Variants in SPECC1L observed in about 807,000 individuals in gnomAD.
The protein encoded by SPECC1L is cytospin-A.
SPECC1L carries 40 observed loss-of-function variants against 116.8 expected under a neutral mutation model. That is an observed-to-expected ratio of 0.34 (90% CI 0.27 to 0.45). The LOEUF (loss-of-function observed/expected upper bound fraction) is 0.45, where lower values mean the gene tolerates loss of function less well. SPECC1L is among the 20% of genes least tolerant of loss of function. The probability of loss-of-function intolerance (pLI) is 1.00; values close to 1 mark genes in which losing one functional copy is unlikely to be tolerated. For missense variants in SPECC1L, 1,110 were observed against 1,373.6 expected (o/e 0.81, Z 3.03); for synonymous variants, 504 against 500.6 (o/e 1.01, Z -0.09).
chr22:24,330,774 T>C (rs551683532), intron 8 of SPECC1L, among the ~76,000 whole-genome samples: 29 of 152,192 alleles, frequency 1.9e-4, no homozygotes, highest in Non-Finnish European at 2.8e-4. Context: ...GAGACAGATA[T>C]TCTTGGCTCG....
Position 24,313,383 on chromosome 22 carries a change from A to AGAAAAGCACCTGCCC in SPECC1L, c.225_239dup (p.Lys76_Pro80dup), listed in dbSNP as rs1324753433. On this transcript the variant is annotated inframe_insertion, in exon 4 of 17. Coordinates refer to ENST00000314328, the MANE Select transcript of SPECC1L (RefSeq NM_015330.6). Reference sequence around the variant, plus strand: ...ACGGTGACTAATGGTGTTAAAGGAAAGAAAAGCACCTGCCCATCTGCAGCA... The same window carrying AGAAAAGCACCTGCCC: ...ACGGTGACTAATGGTGTTAAAGGAAAGAAAAGCACCTGCCCGAAAAGCACCTGCCCATCTGCAGCA... 1 of 1,614,116 alleles carries AGAAAAGCACCTGCCC rather than the reference A, an allele frequency of 6.2e-7. No homozygotes were observed. The highest frequency in any genetic ancestry group is 8.5e-7 in the Non-Finnish European group (1 of 1,180,056).
At chr22:24,320,261 C>T (rs2040694170) in intron 4 of SPECC1L, among the ~76,000 whole-genome samples, 1 of 151,970 alleles carries the variant, frequency 6.6e-6, no homozygotes, top group South Asian at 2.1e-4. Context: ...GGGTGATGGT[C>T]AAGAGAGACT....
At chr22:24,312,376 T>C (rs2040479219) in intron 3 of SPECC1L, among the ~76,000 whole-genome samples, 1 of 152,238 alleles carries the variant, frequency 6.6e-6, no homozygotes, top group Non-Finnish European at 1.5e-5. Flanking sequence ...GAAGAGACTT[T>C]AGAGATTAGT....
chr22:24,313,913 A>G (rs5996689), intron 4 of SPECC1L, among the ~76,000 whole-genome samples: 187 of 150,626 alleles, frequency 1.2e-3, no homozygotes, highest in African/African-American at 4.1e-3. Flanking sequence ...TAATTTTTGT[A>G]TTTTTAGTAG....
chr22:24,388,108 T>G (rs1208285584), intron 14 of SPECC1L, among the ~76,000 whole-genome samples: 1 of 152,044 alleles, frequency 6.6e-6, no homozygotes, highest in Non-Finnish European at 1.5e-5. Flanking sequence ...ATACTTTAAG[T>G]TTTAGGGTAC....
chr22:24,336,723 C>T (rs1413372469), intron 9 of SPECC1L, among the ~76,000 whole-genome samples: 2 of 151,968 alleles, frequency 1.3e-5, no homozygotes, highest in African/African-American at 4.8e-5. Context: ...TTTTAAAAGC[C>T]TCATGTTATT....
intron 14 of SPECC1L, among the ~76,000 whole-genome samples, chr22:24,408,669 T>C (rs929763063): frequency 1.3e-5 from 2 of 152,230 alleles, no homozygotes; most frequent in Non-Finnish European, 2.9e-5. Flanking sequence ...ACAATATCTC[T>C]GGGTCATATC....
intron 2 of SPECC1L, among the ~76,000 whole-genome samples, chr22:24,294,040 A>C (rs2049208604): frequency 7.0e-5 from 2 of 28,524 alleles, no homozygotes; most frequent in African/African-American, 3.1e-4. Flanking sequence ...GTCCTGTGTC[A>C]CATGAAGCCC....
At chr22:24,332,500 G>A (rs150505718) in intron 8 of SPECC1L, among the ~76,000 whole-genome samples, 195 of 152,286 alleles carry the variant, frequency 1.3e-3, no homozygotes, top group African/African-American at 4.5e-3. Context: ...TTGCATTTTA[G>A]TGCAGTTATC....
chr22:24,359,437 C>A (rs954592410), intron 11 of SPECC1L, among the ~76,000 whole-genome samples: 1 of 152,174 alleles, frequency 6.6e-6, no homozygotes, highest in African/African-American at 2.4e-5. Flanking sequence ...CACGTCTCTT[C>A]CTTCCATAAT....
At chr22:24,349,370 G>T (rs1225237904) in intron 11 of SPECC1L, among the ~76,000 whole-genome samples, 2 of 152,100 alleles carry the variant, frequency 1.3e-5, no homozygotes, top group African/African-American at 4.8e-5. Flanking sequence ...TGACCTGTAC[G>T]TGGAGGTGTG....
intron 16 of SPECC1L, among the ~76,000 whole-genome samples, chr22:24,413,421 G>A (rs890922975): frequency 6.6e-6 from 1 of 152,192 alleles, no homozygotes; most frequent in African/African-American, 2.4e-5. Flanking sequence ...TTCAGAAAGG[G>A]CGGAGAGCCC....
In SPECC1L at chr22:24,417,023, A is replaced by G. The variant is rs1047569500; in HGVS notation, c.*2400A>G. 10 of 152,372 alleles carry G rather than the reference A, an allele frequency of 6.6e-5. No homozygotes were observed. Among genetic ancestry groups the G allele is most frequent in the African/African-American group, 2.2e-4 (9 of 41,436 alleles). 9.4% of individuals were successfully genotyped at this position (152,372 alleles called of 1,614,324 possible). On this transcript the variant is annotated 3_prime_UTR_variant, in exon 17 of 17. Transcript: ENST00000314328. ...CTGTGGGCTTTAGGAATGACTATAG[A>G]TGCTCACACGTGTTTAAAGTGACAT...
intron 4 of SPECC1L, among the ~76,000 whole-genome samples, chr22:24,319,651 C>T (rs1265853445): frequency 3.9e-5 from 6 of 152,200 alleles, no homozygotes; most frequent in Admixed American, 1.3e-4. Context: ...CAGCAGCTTC[C>T]GTTAACTGTG....
intron 3 of SPECC1L, 111 bp downstream of exon 3, chr22:24,302,495 G>C (rs1029201742): frequency 2.1e-6 from 3 of 1,403,502 alleles, no homozygotes; most frequent in South Asian, 1.2e-5. Context: ...TCTGGTGCTG[G>C]GAACACTTGG....
intron 10 of SPECC1L, among the ~76,000 whole-genome samples, chr22:24,345,309 G>T (rs917128568): frequency 1.3e-5 from 2 of 152,126 alleles, no homozygotes; most frequent in African/African-American, 4.8e-5. Flanking sequence ...CACAAAATTT[G>T]AAATGGACTA....
At chr22:24,398,649 C>T (rs539663390) in intron 14 of SPECC1L, among the ~76,000 whole-genome samples, 22 of 152,308 alleles carry the variant, frequency 1.4e-4, no homozygotes, top group African/African-American at 5.3e-4. Context: ...GCTGGTGACA[C>T]CACTCAGATT....
At chr22:24,381,552 A>G (rs1305964780) in intron 14 of SPECC1L, among the ~76,000 whole-genome samples, 1 of 152,140 alleles carries the variant, frequency 6.6e-6, no homozygotes, top group Non-Finnish European at 1.5e-5. Context: ...TTTATGTGTT[A>G]TGCTTTACTT....
In SPECC1L at chr22:24,277,194, C is replaced by A. The variant is rs187882154; in HGVS notation, c.-38+391C>A. Among the ~76,000 whole-genome samples, 6 of 152,204 alleles carry A rather than the reference C, an allele frequency of 3.9e-5. No individual in the cohort carries two copies. In the East Asian group the frequency reaches 1.2e-3, roughly 29 times the overall value. ...CTTGCTCCATCTCCCAACTCATGGC[C>A]CCTGGCTTTGGATTATTGTTTTGGT... is the stretch of plus-strand genomic sequence containing the variant. On this transcript the variant is annotated intron_variant, in intron 2 of 16. Transcript: ENST00000314328.
Sources: allele counts gnomAD v4.1 joint callset (sites outside exome capture counted in the v4.1 genomes callset), GRCh38; gene constraint gnomAD v4.1.1; transcripts MANE v1.5; gene names NCBI Gene and HGNC (gene_info 2026-07-23, HGNC 2026-07-21).